LDLRAD4: variants seen among roughly 807,000 people sequenced by gnomAD.
The protein encoded by LDLRAD4 is low density lipoprotein receptor class A domain containing 4.
In LDLRAD4, 5 loss-of-function variants were observed where a neutral mutation model predicts 17.0. The observed-to-expected ratio is 0.29, with a 90% CI of 0.15 to 0.62. The LOEUF is 0.62. Among genes scored for constraint, LDLRAD4 ranks in the 20% least tolerant of loss-of-function variants. LDLRAD4 has a pLI of 0.84. For synonymous variants in LDLRAD4, 168 were observed against 171.8 expected (o/e 0.98, Z 0.17); for missense variants, 340 against 424.7 (o/e 0.80, Z 1.75).
chr18:13,611,727 G>A (rs144410929), intron 3 of LDLRAD4: 333 of 985,414 alleles, frequency 3.4e-4, no homozygotes, highest in South Asian at 8.0e-4. Context: ...TACCATACAT[G>A]GGGAATAATG....
chr18:13,422,274 C>T (rs1303378143), intron 2 of LDLRAD4, among the ~76,000 whole-genome samples: 2 of 152,190 alleles, frequency 1.3e-5, no homozygotes, highest in African/African-American at 4.8e-5. Flanking sequence ...GACTAGAAGA[C>T]TAGACAGAGA....
chr18:13,344,510 G>A (rs975003000), intron 1 of LDLRAD4, among the ~76,000 whole-genome samples: 1 of 152,162 alleles, frequency 6.6e-6, no homozygotes, highest in African/African-American at 2.4e-5. Flanking sequence ...TTGAAGTCAG[G>A]TAGCATGATG....
intron 1 of LDLRAD4, among the ~76,000 whole-genome samples, chr18:13,226,026 AT>A (rs1226608481): frequency 1.3e-5 from 2 of 151,946 alleles, no homozygotes; most frequent in African/African-American, 4.8e-5. Context: ...TAACTTGATA[AT>A]TTAAAAAAAT....
At chr18:13,608,700 C>T (rs187425462) in intron 3 of LDLRAD4, among the ~76,000 whole-genome samples, 75 of 152,266 alleles carry the variant, frequency 4.9e-4, no homozygotes, top group African/African-American at 1.6e-3. Flanking sequence ...CCTTAAAGCC[C>T]GTTTGGTTCC....
chr18:13,282,014 G>T (rs757101546), intron 1 of LDLRAD4, among the ~76,000 whole-genome samples: 5 of 152,170 alleles, frequency 3.3e-5, no homozygotes, highest in Non-Finnish European at 7.4e-5. Context: ...TTACATGGCG[G>T]CAGCAAGAGA....
At chr18:13,555,857 A>G (rs1012664596) in intron 3 of LDLRAD4, among the ~76,000 whole-genome samples, 1 of 144,330 alleles carries the variant, frequency 6.9e-6, no homozygotes, top group African/African-American at 2.6e-5. Context: ...TGGGAGTTGT[A>G]TTATTTTCTA....
intron 1 of LDLRAD4, among the ~76,000 whole-genome samples, chr18:13,322,098 T>C (rs1038245714): frequency 1.3e-5 from 2 of 151,534 alleles, no homozygotes; most frequent in Non-Finnish European, 2.9e-5. Context: ...AAAAATCTAG[T>C]GGTGATCTCA....
chr18:13,365,758 G>C (rs2084010563), intron 1 of LDLRAD4, among the ~76,000 whole-genome samples: 1 of 152,224 alleles, frequency 6.6e-6, no homozygotes, highest in Admixed American at 6.5e-5. Flanking sequence ...TTGACCACAA[G>C]GATACACTGA....
At chr18:13,324,004 G>T (rs1438881677) in intron 1 of LDLRAD4, among the ~76,000 whole-genome samples, 1 of 151,936 alleles carries the variant, frequency 6.6e-6, no homozygotes, top group Non-Finnish European at 1.5e-5. Flanking sequence ...GGCAGAGGTT[G>T]CAGTGAGCCA....
chr18:13,461,566 T>C (rs1183477677), intron 3 of LDLRAD4: 1 of 152,160 alleles, frequency 6.6e-6, no homozygotes, highest in African/African-American at 2.4e-5. Flanking sequence ...CACAGGGTGG[T>C]AGCATGCCCT....
chr18:13,580,619 G>A (rs1174198615), intron 3 of LDLRAD4, among the ~76,000 whole-genome samples: 1 of 152,188 alleles, frequency 6.6e-6, no homozygotes, highest in African/African-American at 2.4e-5. Flanking sequence ...GGCCACTGCT[G>A]ACAGAGGCAC....
intron 3 of LDLRAD4, among the ~76,000 whole-genome samples, chr18:13,517,089 G>A (rs190743368): frequency 6.6e-6 from 1 of 152,318 alleles, no homozygotes; most frequent in East Asian, 1.9e-4. Context: ...GGACTCAAGC[G>A]ATCCTCCCGC....
intron 1 of LDLRAD4, among the ~76,000 whole-genome samples, chr18:13,340,898 A>T (rs2082339295): frequency 6.6e-6 from 1 of 151,954 alleles, no homozygotes; most frequent in African/African-American, 2.4e-5. Flanking sequence ...TTTTGAGTTA[A>T]TTTTTATGTA....
chr18:13,496,716 A>T (rs1045560885), intron 3 of LDLRAD4, among the ~76,000 whole-genome samples: 3 of 151,614 alleles, frequency 2.0e-5, no homozygotes, highest in African/African-American at 7.2e-5. Flanking sequence ...GAGGTTAATA[A>T]AGGGATTGGG....
In LDLRAD4 at chr18:13,381,327, C is replaced by G. The variant is rs2085345729; in HGVS notation, c.-382-6014C>G. Among the ~76,000 whole-genome samples, 4 of 152,306 alleles carry G rather than the reference C, an allele frequency of 2.6e-5. No homozygotes were observed. In the South Asian group the frequency reaches 8.3e-4, roughly 32 times the overall value. On this transcript the variant is annotated intron_variant, in intron 1 of 5. Transcript: ENST00000359446. Reference sequence around the variant, plus strand: ...AAGCAATCCTCCTGCCACAGCCTCCCAAAGCACTGGGGTTACAGGCGTGAG... The same window carrying G: ...AAGCAATCCTCCTGCCACAGCCTCCGAAAGCACTGGGGTTACAGGCGTGAG...
chr18:13,641,879 G>T, intron 4 of LDLRAD4: 1 of 985,498 alleles, frequency 1.0e-6, no homozygotes. Context: ...GAACCGCTCA[G>T]CCCCTCTGAG....
At chr18:13,381,068 T>A (rs2085321283) in intron 1 of LDLRAD4, among the ~76,000 whole-genome samples, 1 of 136,970 alleles carries the variant, frequency 7.3e-6, no homozygotes, top group Admixed American at 7.8e-5. Flanking sequence ...TTCTTTTGTT[T>A]CTCTTTAGTT....
At chr18:13,495,593 CACTGAGGATTCTG>C (rs2093451967) in intron 3 of LDLRAD4, among the ~76,000 whole-genome samples, 1 of 152,164 alleles carries the variant, frequency 6.6e-6, no homozygotes, top group Non-Finnish European at 1.5e-5. Flanking sequence ...GGAAGAAATA[CACTGAGGATTCTG>C]AAATCTTCCC....
intron 1 of LDLRAD4, among the ~76,000 whole-genome samples, chr18:13,360,553 C>T (rs1447074300): frequency 1.3e-5 from 2 of 152,244 alleles, no homozygotes; most frequent in African/African-American, 4.8e-5. Context: ...ATTTCCAGGT[C>T]ATCAATAATA....
Sources: gnomAD v4.1 joint callset for allele counts (sites outside exome capture counted in the v4.1 genomes callset) on GRCh38, gnomAD v4.1.1 for gene constraint, MANE v1.5 for transcripts, NCBI Gene and HGNC (gene_info 2026-07-23, HGNC 2026-07-21) for gene names.